TRPM3: variants seen among roughly 807,000 people sequenced by gnomAD.
TRPM3 encodes the protein long transient receptor potential channel 3.
Under a neutral mutation model 181.2 loss-of-function variants are expected in TRPM3, and 77 were observed. That is an observed-to-expected ratio of 0.42 (90% CI 0.35 to 0.51). The LOEUF (loss-of-function observed/expected upper bound fraction) is 0.51. Among genes scored for constraint, TRPM3 ranks in the 20% least tolerant of loss-of-function variants. TRPM3 has a pLI of 0.01. For missense variants in TRPM3, 1,759 were observed against 2,196.7 expected, an observed-to-expected ratio of 0.80 and a Z score of 3.98; for synonymous variants, 745 against 796.4, an observed-to-expected ratio of 0.94 and a Z score of 1.09.
chr9:71,121,819 G>C (rs752425858), upstream of TRPM3, among the ~76,000 whole-genome samples: 2 of 152,106 alleles, frequency 1.3e-5, no homozygotes, highest in Non-Finnish European at 2.9e-5. Context: ...ACGGGGGGAG[G>C]GGTGAGGACA....
intron 22 of TRPM3, among the ~76,000 whole-genome samples, chr9:70,578,256 C>T (rs2054581819): frequency 6.9e-6 from 1 of 144,554 alleles, no homozygotes. Flanking sequence ...TGAGATCACT[C>T]AGACCACTTT....
At chr9:71,204,972 C>G (rs987430264) in intron 1 of TRPM3, among the ~76,000 whole-genome samples, 3 of 151,982 alleles carry the variant, frequency 2.0e-5, no homozygotes, top group African/African-American at 7.3e-5. Context: ...GACAAAAAAC[C>G]AAACACGGCA....
chr9:71,118,442 A>G (rs2072907677), intron 1 of TRPM3, among the ~76,000 whole-genome samples: 1 of 152,194 alleles, frequency 6.6e-6, no homozygotes, highest in African/African-American at 2.4e-5. Context: ...AGGAAATAGG[A>G]TTATGAAGCC....
At chr9:71,429,420 T>C (rs2093923516) in intron 1 of TRPM3, among the ~76,000 whole-genome samples, 1 of 152,132 alleles carries the variant, frequency 6.6e-6, no homozygotes, top group African/African-American at 2.4e-5. Context: ...GTAAAATGAG[T>C]ACAATGAGGT....
chr9:71,069,219 T>C (rs368367453), intron 1 of TRPM3, among the ~76,000 whole-genome samples: 6 of 152,320 alleles, frequency 3.9e-5, no homozygotes, highest in African/African-American at 1.4e-4. Flanking sequence ...AGTCTCACTG[T>C]GTCGACAGGC....
At chr9:71,255,854 C>T (rs2082640117) in intron 1 of TRPM3, among the ~76,000 whole-genome samples, 1 of 152,166 alleles carries the variant, frequency 6.6e-6, no homozygotes, top group Non-Finnish European at 1.5e-5. Context: ...AATCTCTTTT[C>T]TCTTGGAAGA....
At position 71,089,506 on chromosome 9, in the gene TRPM3, C is replaced by T. The variant is rs182328411; in HGVS notation, c.177+31672G>A. 1.2e-4 allele frequency among the ~76,000 whole-genome samples: 18 copies of T among 151,084 alleles called. No individual in the cohort carries two copies. The East Asian group carries it at 2.3e-3, about 20-fold the overall frequency. On this transcript the variant is annotated intron_variant, in intron 1 of 25. Transcript: ENST00000677713. ...CTCTGTAGCTAGAGGCATCTAGGTA[C>T]TACAGAGCCAGAAATTGATTTAGAA...
intron 7 of TRPM3, among the ~76,000 whole-genome samples, 159 bp from the exon 8 acceptor site, chr9:70,761,883 A>G (rs1350168045): frequency 6.6e-6 from 1 of 152,220 alleles, no homozygotes; most frequent in Non-Finnish European, 1.5e-5. Context: ...TGATAATTTA[A>G]AAAGCAAGGC....
intron 22 of TRPM3, among the ~76,000 whole-genome samples, chr9:70,554,933 A>G (rs990347999): frequency 1.3e-5 from 2 of 152,172 alleles, no homozygotes; most frequent in African/African-American, 4.8e-5. Flanking sequence ...CACCCAAGAC[A>G]GCCCTGTAAG....
chr9:70,935,796 C>T (rs1226326015), intron 1 of TRPM3, among the ~76,000 whole-genome samples: 3 of 152,044 alleles, frequency 2.0e-5, no homozygotes, highest in Non-Finnish European at 4.4e-5. Context: ...CAGATTTTTT[C>T]CCCCAAGCGC....
At chr9:71,378,657 C>T (rs1186232213) in intron 1 of TRPM3, among the ~76,000 whole-genome samples, 1 of 151,984 alleles carries the variant, frequency 6.6e-6, no homozygotes, top group South Asian at 2.1e-4. Flanking sequence ...CTTTGGAAAC[C>T]GGAGAGTGTT....
At chr9:70,937,491 A>G (rs1346688753) in intron 1 of TRPM3, among the ~76,000 whole-genome samples, 1 of 152,244 alleles carries the variant, frequency 6.6e-6, no homozygotes, top group East Asian at 1.9e-4. Context: ...CTTGCAAGAT[A>G]TTACAGAAAA....
intron 1 of TRPM3, among the ~76,000 whole-genome samples, chr9:71,182,232 A>G (rs2077446247): frequency 6.6e-6 from 1 of 152,192 alleles, no homozygotes; most frequent in African/African-American, 2.4e-5. Flanking sequence ...AGCATACAAT[A>G]GGAAAAAGAA....
intron 22 of TRPM3, among the ~76,000 whole-genome samples, chr9:70,560,336 A>G (rs891872233): frequency 1.3e-5 from 2 of 152,208 alleles, no homozygotes; most frequent in Non-Finnish European, 2.9e-5. Flanking sequence ...AGAAATGGGC[A>G]CTACCCTCTG....
chr9:71,414,142 C>A (rs756043928), intron 1 of TRPM3, among the ~76,000 whole-genome samples: 6 of 152,078 alleles, frequency 3.9e-5, no homozygotes, highest in Non-Finnish European at 8.8e-5. Context: ...TATAACCTTT[C>A]TCTCTCACAA....
At chr9:70,748,471 G>C (rs1480279982) in intron 8 of TRPM3, among the ~76,000 whole-genome samples, 1 of 152,154 alleles carries the variant, frequency 6.6e-6, no homozygotes, top group Non-Finnish European at 1.5e-5. Context: ...GTGGATATGT[G>C]ATTGCTAGGA....
At chr9:70,979,224 A>G (rs183136424) in intron 1 of TRPM3, among the ~76,000 whole-genome samples, 171 of 152,212 alleles carry the variant, frequency 1.1e-3, no homozygotes, top group Non-Finnish European at 3.4e-4. Flanking sequence ...TTGCCATTCC[A>G]TTGCCCGTTA....
intron 1 of TRPM3, among the ~76,000 whole-genome samples, chr9:71,355,683 T>C (rs1565493094): frequency 6.6e-6 from 1 of 152,256 alleles, no homozygotes; most frequent in Non-Finnish European, 1.5e-5. Context: ...GTACATGTAT[T>C]ATTTGTGGGC....
chr9:71,442,796 A>G (rs573721383), intron 1 of TRPM3, among the ~76,000 whole-genome samples: 17 of 152,362 alleles, frequency 1.1e-4, no homozygotes, highest in African/African-American at 3.8e-4. Flanking sequence ...TGACATTTGT[A>G]ATGCGAGACA....
Sources: gnomAD v4.1 joint callset for allele counts (sites outside exome capture counted in the v4.1 genomes callset) on GRCh38, gnomAD v4.1.1 for gene constraint, MANE v1.5 for transcripts, NCBI Gene and HGNC (gene_info 2026-07-23, HGNC 2026-07-21) for gene names.